The following KLF8 variants were observed in gnomAD, a reference collection of about 807,000 sequenced individuals.
KLF8 encodes the protein Krueppel-like factor 8.
Under a neutral mutation model 18.2 loss-of-function variants are expected in KLF8, and 10 were observed. The ratio of observed to expected loss-of-function variants is 0.55; its 90% CI spans 0.34 to 0.93. KLF8 has a LOEUF of 0.93. Ranked by LOEUF, KLF8 falls within the 40% of genes least tolerant of loss-of-function variation. The pLI, the probability that KLF8 is intolerant of heterozygous loss-of-function variation, is 0.02. For missense variants in KLF8, 264 were observed against 277.9 expected (o/e 0.95, Z 0.36); for synonymous variants, 109 against 97.3 (o/e 1.12, Z -0.71).
the KLF8 span, among the ~76,000 whole-genome samples, chrX:56,057,709 G>C: frequency 1.8e-5 from 2 of 111,319 alleles, no homozygotes; most frequent in East Asian, 5.7e-4. Flanking sequence ...TGGTGGACAA[G>C]AACACCCTGC....
chrX:56,183,087 G>C, the KLF8 span, among the ~76,000 whole-genome samples: 1 of 112,440 alleles, frequency 8.9e-6, no homozygotes, highest in East Asian at 2.8e-4. Context: ...ACAGAGGCAA[G>C]TAAGCCTCCT....
At chrX:55,957,159 A>C in the KLF8 span, among the ~76,000 whole-genome samples, 536 of 111,587 alleles carry the variant, frequency 4.8e-3, 7 homozygotes, top group African/African-American at 0.017. Context: ...TCCTTTCCTC[A>C]TTGAGTGGTC....
At chrX:56,139,689 G>C in the KLF8 span, among the ~76,000 whole-genome samples, 1 of 111,422 alleles carries the variant, frequency 9.0e-6, no homozygotes, top group Non-Finnish European at 1.9e-5. Context: ...AGAAAACCTA[G>C]GAAGTGCTGT....
chrX:56,095,970 T>A, the KLF8 span, among the ~76,000 whole-genome samples: 1 of 111,577 alleles, frequency 9.0e-6, no homozygotes, highest in African/African-American at 3.2e-5. Flanking sequence ...GGAAAATAAA[T>A]CATTATATCA....
At chrX:56,204,711 A>T in the KLF8 span, among the ~76,000 whole-genome samples, 1 of 110,935 alleles carries the variant, frequency 9.0e-6, no homozygotes, top group Non-Finnish European at 1.9e-5. Flanking sequence ...CATTTTTTTA[A>T]GTTCCTCTGT....
At chrX:55,922,561 A>G in the KLF8 span, among the ~76,000 whole-genome samples, 85 of 112,426 alleles carry the variant, frequency 7.6e-4, no homozygotes, top group African/African-American at 2.6e-3. Flanking sequence ...ACCACTATGG[A>G]ACACTTTTAC....
the KLF8 span, among the ~76,000 whole-genome samples, chrX:56,136,491 C>A: frequency 9.0e-6 from 1 of 111,543 alleles, no homozygotes; most frequent in Non-Finnish European, 1.9e-5. Context: ...CTGACAAAAA[C>A]AAGCAATGGG....
chrX:56,137,314 A>C, the KLF8 span, among the ~76,000 whole-genome samples: 3 of 108,841 alleles, frequency 2.8e-5, no homozygotes, highest in Non-Finnish European at 5.7e-5. Flanking sequence ...ACGTATGTTT[A>C]TTGTGGTACT....
At position 56,232,873 on chromosome X, in the gene KLF8, G is replaced by A. The variant is rs146513031; in HGVS notation, c.-462G>A. The A allele has an allele frequency of 1.5e-3, 184 of 123,738 alleles. 3 individuals carry two copies. In the East Asian group the frequency reaches 0.036, roughly 24 times the overall value. 10.2% of individuals were successfully genotyped at this position (123,738 alleles called of 1,213,427 possible). ...CCGGCCCTCTCCTTTTAAAGGGTGT[G>A]TGGAGTTCAGAGGATGGGTGGAGAG... On this transcript the variant is annotated 5_prime_UTR_variant, in exon 1 of 6. In the 5' UTR this introduces an upstream ATG that the reference lacks. Coordinates refer to ENST00000468660, the MANE Select transcript of KLF8 (RefSeq NM_007250.5).
chrX:56,282,891 T>G (rs1009897395), intron 5 of KLF8, among the ~76,000 whole-genome samples: 2 of 112,031 alleles, frequency 1.8e-5, no homozygotes, highest in African/African-American at 3.2e-5. Flanking sequence ...TTTTTCAAAA[T>G]TTTTATTATA....
chrX:56,087,729 C>A, the KLF8 span, among the ~76,000 whole-genome samples: 1 of 112,051 alleles, frequency 8.9e-6, no homozygotes, highest in Non-Finnish European at 1.9e-5. Context: ...TTTCTGTGAA[C>A]AGTTATTTTT....
At chrX:56,099,640 A>G in the KLF8 span, among the ~76,000 whole-genome samples, 13 of 112,080 alleles carry the variant, frequency 1.2e-4, no homozygotes, top group Non-Finnish European at 1.5e-4. Flanking sequence ...ACTCTGGTAA[A>G]CACACCAACA....
the KLF8 span, among the ~76,000 whole-genome samples, chrX:56,204,813 T>C: frequency 9.0e-6 from 1 of 110,797 alleles, no homozygotes; most frequent in African/African-American, 3.3e-5. Context: ...CATTAAACTG[T>C]CTCTAGATAA....
chrX:56,041,438 C>G, the KLF8 span, among the ~76,000 whole-genome samples: 1 of 106,668 alleles, frequency 9.4e-6, no homozygotes, highest in Non-Finnish European at 1.9e-5. Flanking sequence ...TTTATTGTGT[C>G]TATTCTCTCT....
At chrX:56,113,549 G>A in the KLF8 span, among the ~76,000 whole-genome samples, 1 of 71,501 alleles carries the variant, frequency 1.4e-5, no homozygotes, top group Admixed American at 1.9e-4. Flanking sequence ...GACCTGGCAG[G>A]GATAGTTTTT....
At chrX:56,207,943 A>T in the KLF8 span, among the ~76,000 whole-genome samples, 1 of 111,191 alleles carries the variant, frequency 9.0e-6, no homozygotes, top group South Asian at 3.8e-4. Flanking sequence ...CCTCACAATC[A>T]TGGCAGAAGG....
chrX:56,044,332 C>A, the KLF8 span, among the ~76,000 whole-genome samples: 1 of 112,152 alleles, frequency 8.9e-6, no homozygotes, highest in Non-Finnish European at 1.9e-5. Context: ...TTCTGGGAGA[C>A]AAAGTGTGTT....
chrX:55,988,779 A>C, the KLF8 span, among the ~76,000 whole-genome samples: 2 of 111,745 alleles, frequency 1.8e-5, no homozygotes, highest in Admixed American at 9.5e-5. Context: ...TTGAATCTTT[A>C]AATTACCTTG....
the KLF8 span, among the ~76,000 whole-genome samples, chrX:55,922,899 A>G: frequency 8.9e-6 from 1 of 112,293 alleles, no homozygotes; most frequent in Non-Finnish European, 1.9e-5. Context: ...TAGTTCAACC[A>G]TTGTGGAAGA....
Sources: gnomAD v4.1 joint callset for allele counts (sites outside exome capture counted in the v4.1 genomes callset) on GRCh38, gnomAD v4.1.1 for gene constraint, MANE v1.5 for transcripts, NCBI Gene and HGNC (gene_info 2026-07-23, HGNC 2026-07-21) for gene names.